Variants in ERBB4 observed in about 807,000 individuals in gnomAD.
The protein encoded by ERBB4 is receptor tyrosine-protein kinase erbB-4.
ERBB4 carries 42 observed loss-of-function variants against 158.0 expected under a neutral mutation model. The ratio of observed to expected loss-of-function variants is 0.27; its 90% confidence interval spans 0.21 to 0.34. ERBB4 has a LOEUF of 0.34. Ranked by LOEUF, ERBB4 falls within the 10% of genes least tolerant of loss-of-function variation. ERBB4 has a pLI of 1.00. For missense variants in ERBB4, 1,333 were observed against 1,624.1 expected (o/e 0.82, Z 3.08); for synonymous variants, 583 against 558.7 (o/e 1.04, Z -0.61).
chr2:211,501,400 C>T (rs2065612045), intron 20 of ERBB4, among the ~76,000 whole-genome samples: 2 of 151,578 alleles, frequency 1.3e-5, no homozygotes, highest in South Asian at 4.2e-4. Flanking sequence ...ATGGATACCC[C>T]AACTACTTGA....
intron 1 of ERBB4, among the ~76,000 whole-genome samples, chr2:212,356,447 A>T (rs2089465529): frequency 6.6e-6 from 1 of 151,964 alleles, no homozygotes; most frequent in Admixed American, 6.6e-5. Context: ...TGGCTCTACT[A>T]ATGGCATAAT....
intron 4 of ERBB4, among the ~76,000 whole-genome samples, chr2:211,783,168 T>C (rs2076077714): frequency 6.6e-6 from 1 of 152,214 alleles, no homozygotes; most frequent in African/African-American, 2.4e-5. Context: ...GGCTCTCTGT[T>C]TGTCTGTTAT....
At chr2:212,076,382 A>G (rs954700030) in intron 2 of ERBB4, among the ~76,000 whole-genome samples, 11 of 152,008 alleles carry the variant, frequency 7.2e-5, no homozygotes, top group Admixed American at 2.6e-4. Context: ...TGACTTTACC[A>G]TATCATAAAG....
At chr2:211,944,164 CTA>C (rs71397155) in intron 3 of ERBB4, among the ~76,000 whole-genome samples, 4,166 of 100,858 alleles carry the variant, frequency 0.041, 177 homozygotes, top group Middle Eastern at 0.1. Flanking sequence ...TATATATACA[CTA>C]TATATATATA....
intron 19 of ERBB4, among the ~76,000 whole-genome samples, chr2:211,614,087 C>T (rs1273166542): frequency 2.6e-5 from 4 of 151,512 alleles, no homozygotes; most frequent in South Asian, 2.1e-4. Flanking sequence ...ACTATTCAGC[C>T]GTAAAAAAAG....
At chr2:212,405,910 G>T (rs1015141644) in intron 1 of ERBB4, among the ~76,000 whole-genome samples, 1 of 151,916 alleles carries the variant, frequency 6.6e-6, no homozygotes, top group African/African-American at 2.4e-5. Context: ...CTACACTCTC[G>T]CTGCTCAACA....
intron 3 of ERBB4, among the ~76,000 whole-genome samples, chr2:211,795,625 A>G (rs938286109): frequency 6.6e-6 from 1 of 151,884 alleles, no homozygotes; most frequent in Non-Finnish European, 1.5e-5. Flanking sequence ...TTTCTCTACC[A>G]TCTTCAATAC....
chr2:212,197,663 G>T (rs898359082), intron 1 of ERBB4, among the ~76,000 whole-genome samples: 3 of 152,232 alleles, frequency 2.0e-5, no homozygotes, highest in Non-Finnish European at 4.4e-5. Context: ...TATAACTCCA[G>T]ATTTTGTATT....
At chr2:211,447,685 CAG>C (rs2064146949) in intron 20 of ERBB4, among the ~76,000 whole-genome samples, 1 of 152,134 alleles carries the variant, frequency 6.6e-6, no homozygotes, top group Non-Finnish European at 1.5e-5. Context: ...TAGGATTTAG[CAG>C]ACTTATTTTT....
intron 4 of ERBB4, among the ~76,000 whole-genome samples, chr2:211,765,653 G>A (rs1422805243): frequency 1.3e-5 from 2 of 152,056 alleles, no homozygotes; most frequent in East Asian, 3.9e-4. Flanking sequence ...TTAGACATTT[G>A]TTTATTCCAC....
Position 211,955,980 on chromosome 2 carries a change from G to A in ERBB4, c.235-8364C>T, listed in dbSNP as rs914188509. 5.3e-5 allele frequency among the ~76,000 whole-genome samples: 8 copies of A among 151,470 alleles called. No individual in the cohort carries two copies. The East Asian group carries it at 9.7e-4, about 18-fold the overall frequency. Reference sequence around the variant, plus strand: ...TAATAACACAAACTTTCAATTGTAAGTATACATATTTCAAAAAATTCATAA... The same window carrying A: ...TAATAACACAAACTTTCAATTGTAAATATACATATTTCAAAAAATTCATAA... On this transcript the variant is annotated intron_variant, in intron 2 of 27. Coordinates refer to ENST00000342788, the MANE Select transcript of ERBB4 (RefSeq NM_005235.3).
intron 3 of ERBB4, among the ~76,000 whole-genome samples, chr2:211,826,254 A>G (rs2077097261): frequency 6.6e-6 from 1 of 151,868 alleles, no homozygotes; most frequent in Non-Finnish European, 1.5e-5. Context: ...TTTTAAAAAA[A>G]TCCAGCACAT....
chr2:211,690,470 G>A (rs78325609), intron 12 of ERBB4, among the ~76,000 whole-genome samples: 9,725 of 152,150 alleles, frequency 0.064, 409 homozygotes, highest in South Asian at 0.13. Flanking sequence ...GCCTCCCTAA[G>A]TCTTTATCAT....
At chr2:211,673,714 C>T (rs1160091930) in intron 13 of ERBB4, among the ~76,000 whole-genome samples, 1 of 151,982 alleles carries the variant, frequency 6.6e-6, no homozygotes, top group Non-Finnish European at 1.5e-5. Context: ...CCTTGTCCTT[C>T]AAATCCCAAG....
At chr2:212,143,959 C>A (rs2080575052) in intron 1 of ERBB4, among the ~76,000 whole-genome samples, 1 of 151,128 alleles carries the variant, frequency 6.6e-6, no homozygotes, top group Non-Finnish European at 1.5e-5. Context: ...GCAGAGTTTG[C>A]AGTGAGCCAA....
At chr2:211,527,931 CAGGAAAGA>C (rs2066394721) in intron 20 of ERBB4, among the ~76,000 whole-genome samples, 2 of 151,676 alleles carry the variant, frequency 1.3e-5, no homozygotes, top group African/African-American at 2.4e-5. Context: ...AAAAGAAAGA[CAGGAAAGA>C]AGGAAAGAAG....
At chr2:212,318,122 A>G (rs1268044008) in intron 1 of ERBB4, among the ~76,000 whole-genome samples, 2 of 151,586 alleles carry the variant, frequency 1.3e-5, no homozygotes, top group African/African-American at 4.8e-5. Flanking sequence ...CAAATTCAGT[A>G]AACTGAGTCT....
intron 20 of ERBB4, among the ~76,000 whole-genome samples, chr2:211,549,964 T>G (rs1424782676): frequency 2.0e-5 from 3 of 152,134 alleles, no homozygotes; most frequent in African/African-American, 7.2e-5. Context: ...AAAGTGGAAC[T>G]TCAAGCCAAT....
intron 1 of ERBB4, among the ~76,000 whole-genome samples, chr2:212,217,958 A>T (rs541822504): frequency 4.4e-4 from 67 of 151,460 alleles, no homozygotes; most frequent in African/African-American, 1.5e-3. Flanking sequence ...AGCACATATC[A>T]TGACAACCCA....
Sources: allele counts gnomAD v4.1 joint callset (sites outside exome capture counted in the v4.1 genomes callset), GRCh38; gene constraint gnomAD v4.1.1; transcripts MANE v1.5; gene names NCBI Gene and HGNC (gene_info 2026-07-23, HGNC 2026-07-21).